The following RBFOX1 variants were observed in gnomAD, a reference collection of about 807,000 sequenced individuals.
The protein encoded by RBFOX1 is RNA binding protein fox-1 homolog 1.
RBFOX1 carries 8 observed loss-of-function variants against 57.7 expected under a neutral mutation model. That is an observed-to-expected ratio of 0.14 (90% CI 0.08 to 0.25). RBFOX1 has a LOEUF of 0.25. Ranked by LOEUF, RBFOX1 falls within the 10% of genes least tolerant of loss-of-function variation. The probability of loss-of-function intolerance (pLI) is 1.00; values close to 1 mark genes in which losing one functional copy is unlikely to be tolerated. For missense variants in RBFOX1, 611 were observed against 548.5 expected (o/e 1.11, Z -1.14); for synonymous variants, 326 against 222.4 (o/e 1.47, Z -4.15).
At chr16:7,475,356 C>T (rs957744028) in intron 4 of RBFOX1, among the ~76,000 whole-genome samples, 6 of 150,478 alleles carry the variant, frequency 4.0e-5, no homozygotes, top group Non-Finnish European at 8.9e-5. Context: ...GCTCTGTCAC[C>T]CAGGCTGGAG....
rs2076332351 is a variant in RBFOX1, at chr16:7,687,590, A to T, written c.995+10752A>T. Among the ~76,000 whole-genome samples, 3 of 152,050 alleles carry T rather than the reference A, an allele frequency of 2.0e-5. No individual in the cohort carries two copies. The South Asian group carries it at 6.2e-4, about 31-fold the overall frequency. On this transcript the variant is annotated intron_variant, in intron 14 of 15. Coordinates refer to ENST00000550418, the MANE Select transcript of RBFOX1 (RefSeq NM_018723.4). ...AATATTCAGAAAACACTCATGGCTGAGTTCCATATGGCACGTCTAGCAATT... is the reference window on the plus strand; with the variant it reads ...AATATTCAGAAAACACTCATGGCTGTGTTCCATATGGCACGTCTAGCAATT...
chr16:5,509,203 C>A (rs540565736), intron 2 of RBFOX1, among the ~76,000 whole-genome samples: 2 of 152,306 alleles, frequency 1.3e-5, no homozygotes, highest in African/African-American at 4.8e-5. Context: ...CAGGGTGGTG[C>A]AAGAGCAGGA....
intron 1 of RBFOX1, among the ~76,000 whole-genome samples, chr16:6,110,800 G>T (rs1007393223): frequency 1.3e-5 from 2 of 152,172 alleles, no homozygotes; most frequent in Non-Finnish European, 2.9e-5. Context: ...CAACCAGGGA[G>T]GCAGTGCTGC....
chr16:6,962,219 G>A (rs1311092427), intron 3 of RBFOX1, among the ~76,000 whole-genome samples: 1 of 152,058 alleles, frequency 6.6e-6, no homozygotes, highest in Non-Finnish European at 1.5e-5. Flanking sequence ...GTTTGCACAT[G>A]GCCTTCTTTC....
intron 4 of RBFOX1, among the ~76,000 whole-genome samples, chr16:7,282,480 T>C (rs541588290): frequency 2.0e-5 from 3 of 152,188 alleles, no homozygotes; most frequent in Middle Eastern, 3.4e-3. Flanking sequence ...TTAGAAGTTA[T>C]CAGGTGGATT....
intron 1 of RBFOX1, among the ~76,000 whole-genome samples, chr16:5,296,639 C>T (rs1330336727): frequency 1.3e-5 from 2 of 151,772 alleles, no homozygotes; most frequent in Non-Finnish European, 2.9e-5. Context: ...CTTTTCCCCT[C>T]CTGCTGCTCC....
chr16:7,575,261 A>C (rs1240910598), intron 5 of RBFOX1, among the ~76,000 whole-genome samples: 2 of 152,078 alleles, frequency 1.3e-5, no homozygotes, highest in East Asian at 1.9e-4. Flanking sequence ...CACCCTCCCA[A>C]GTAGCTGGGA....
At chr16:7,376,272 C>T (rs539595638) in intron 4 of RBFOX1, among the ~76,000 whole-genome samples, 1 of 152,312 alleles carries the variant, frequency 6.6e-6, no homozygotes, top group African/African-American at 2.4e-5. Flanking sequence ...CTTACTTGCT[C>T]TTAATTCGAT....
rs535299305 is a variant in RBFOX1, at chr16:5,250,498, C to G, written c.219+10393C>G. Among the ~76,000 whole-genome samples, 9 of 152,318 alleles carry G rather than the reference C, an allele frequency of 5.9e-5. No homozygotes were observed. The South Asian group carries it at 1.9e-3, about 32-fold the overall frequency. On this transcript the variant is annotated intron_variant, in intron 1 of 2. Transcript: ENST00000585867. ...CCATGTGTTCTCATTGTTCAACTCC[C>G]ACTTATGAGTGAGAACACACAGTGT...
At chr16:6,115,285 GT>G (rs1163920161) in intron 1 of RBFOX1, among the ~76,000 whole-genome samples, 2 of 152,134 alleles carry the variant, frequency 1.3e-5, no homozygotes, top group African/African-American at 2.4e-5. Flanking sequence ...TAAACTTTAA[GT>G]TTTAGGATTT....
chr16:6,780,398 T>TTTTAAATATA (rs2080711021), intron 3 of RBFOX1, among the ~76,000 whole-genome samples: 1 of 79,986 alleles, frequency 1.3e-5, no homozygotes, highest in African/African-American at 6.2e-5. Context: ...TTATATATAT[T>TTTTAAATATA]TTTATATATA....
chr16:6,710,203 G>A (rs1446282946), intron 3 of RBFOX1, among the ~76,000 whole-genome samples: 1 of 152,132 alleles, frequency 6.6e-6, no homozygotes, highest in Non-Finnish European at 1.5e-5. Flanking sequence ...TCTCAAAACT[G>A]AAATGTTTGT....
At chr16:6,072,529 A>G (rs1411193184) in intron 1 of RBFOX1, among the ~76,000 whole-genome samples, 1 of 152,082 alleles carries the variant, frequency 6.6e-6, no homozygotes, top group Admixed American at 6.6e-5. Context: ...AGAAACATTT[A>G]TACTCTTTTT....
chr16:6,051,745 G>A (rs896284557), intron 1 of RBFOX1, among the ~76,000 whole-genome samples: 2 of 152,120 alleles, frequency 1.3e-5, no homozygotes, highest in African/African-American at 4.8e-5. Context: ...TGTACTTTTA[G>A]TAGAGACAGG....
chr16:6,887,013 G>C (rs1036480350), intron 3 of RBFOX1, among the ~76,000 whole-genome samples: 6 of 152,026 alleles, frequency 3.9e-5, no homozygotes, highest in Non-Finnish European at 8.8e-5. Flanking sequence ...CCACTTTCTG[G>C]TTTGATTATC....
rs528885190 is a variant in RBFOX1, at chr16:5,519,226, G to A, written c.258+51972G>A. Among the ~76,000 whole-genome samples, 138 of 152,334 alleles carry A rather than the reference G, an allele frequency of 9.1e-4. 1 individual carries two copies. In the Middle Eastern group the frequency reaches 0.017, roughly 19 times the overall value. ...AACCCTAGCAAAGTAATAAAGTGGT[G>A]AAATTGGCAAGTTTTGAGTGCCAGC... On this transcript the variant is annotated intron_variant, in intron 2 of 2. Transcript: ENST00000585867.
chr16:6,510,319 G>A (rs2096227139), intron 2 of RBFOX1, among the ~76,000 whole-genome samples: 2 of 152,108 alleles, frequency 1.3e-5, no homozygotes. Flanking sequence ...GTGTTTTTGA[G>A]ATTTGAACTG....
intron 3 of RBFOX1, among the ~76,000 whole-genome samples, chr16:7,005,938 A>G (rs2093260226): frequency 6.6e-6 from 1 of 152,198 alleles, no homozygotes; most frequent in Admixed American, 6.5e-5. Flanking sequence ...TCCAATCCAG[A>G]GAAAAGCCCC....
chr16:7,610,188 C>T (rs1158490934), intron 10 of RBFOX1, among the ~76,000 whole-genome samples: 4 of 132,352 alleles, frequency 3.0e-5, no homozygotes, highest in South Asian at 2.5e-4. Flanking sequence ...GGCATGATCT[C>T]GACTCTCTGC....
Sources: allele counts gnomAD v4.1 joint callset (sites outside exome capture counted in the v4.1 genomes callset), GRCh38; gene constraint gnomAD v4.1.1; transcripts MANE v1.5; gene names NCBI Gene and HGNC (gene_info 2026-07-23, HGNC 2026-07-21).